GPRIN2: variants seen among roughly 807,000 people sequenced by gnomAD.
The protein encoded by GPRIN2 is G protein-regulated inducer of neurite outgrowth 2.
Under a neutral mutation model 0.3 loss-of-function variants are expected in GPRIN2, and 1 was observed. The ratio of observed to expected loss-of-function variants is 3.90; its 90% confidence interval spans 1.39 to 18.51. The LOEUF (loss-of-function observed/expected upper bound fraction) is 18.51. Ranked by LOEUF, GPRIN2 falls within the 30% of genes most tolerant of loss-of-function variation. The probability of loss-of-function intolerance (pLI) is 0.11; values close to 1 mark genes in which losing one functional copy is unlikely to be tolerated. For synonymous variants in GPRIN2, 361 were observed against 258.6 expected, an observed-to-expected ratio of 1.40 and a Z score of -3.80; for missense variants, 880 against 604.2, an observed-to-expected ratio of 1.46 and a Z score of -4.79.
chr10:46,549,726 C>G lies in GPRIN2; in HGVS notation c.1011G>C (p.Val337=). ...TGCAGGCCGCCACTGGGGCCGCCTG[C>G]ACACCAGCATCCTGGGCTGACAGCG... ...ASPLSAQDAG[V]QAAPVAACKA... is the part of the protein sequence containing the mutation. Residue 337 remains valine, a synonymous_variant, in exon 3 of 3, where the codon GTG becomes GTC. Coordinates refer to ENST00000374314, the MANE Select transcript of GPRIN2 (RefSeq NM_001385282.1). 1 of 1,614,124 alleles carries G rather than the reference C, an allele frequency of 6.2e-7. No homozygotes were observed. Among genetic ancestry groups the G allele is most frequent in the Non-Finnish European group, 8.5e-7 (1 of 1,179,962 alleles).
chr10:46,550,127 T>A lies in GPRIN2; in HGVS notation c.610A>T (p.Thr204Ser). The A allele has an allele frequency of 6.2e-7, 1 of 1,608,314 alleles. No homozygotes were observed. The highest frequency in any genetic ancestry group is 8.5e-7 in the Non-Finnish European group (1 of 1,176,750). The change falls in exon 3 of 3, where the codon ACA (threonine) becomes TCA (serine). Residue 204 changes from threonine (T) to serine (S), a missense_variant. Coordinates refer to ENST00000374314, the MANE Select transcript of GPRIN2 (RefSeq NM_001385282.1). ...LSVPPLDLGD[T>S]TAHSSSAQAE... ...TGGGCACTGCTGCTGTGGGCAGTTGTGTCCCCCAGGTCTAGTGGTGGCACT... is the reference window on the plus strand; with the variant it reads ...TGGGCACTGCTGCTGTGGGCAGTTGAGTCCCCCAGGTCTAGTGGTGGCACT...
intron 2 of GPRIN2, among the ~76,000 whole-genome samples, chr10:46,554,335 G>A (rs1842938697): frequency 6.6e-6 from 1 of 152,312 alleles, no homozygotes. Context: ...CACCATCAGT[G>A]TCCCCAGTCT....
At chr10:46,557,186 T>C (rs1161917568), upstream of GPRIN2, among the ~76,000 whole-genome samples, 1 of 152,302 alleles carries the variant, frequency 6.6e-6, no homozygotes, top group Non-Finnish European at 1.5e-5. Context: ...ATAGGGCCCT[T>C]TCGTCTGGGA....
Position 46,549,280 on chromosome 10 carries a change from G to C in GPRIN2, c.*80C>G. 1 of 1,432,108 alleles carries C rather than the reference G, an allele frequency of 7.0e-7. No individual in the cohort carries two copies. The highest frequency in any genetic ancestry group is 1.5e-5 in the South Asian group (1 of 65,586). The allele number at this position is 1,432,108 out of a possible 1,614,324, so 88.7% of individuals were successfully genotyped here. On this transcript the variant is annotated 3_prime_UTR_variant, in exon 3 of 3. Transcript: ENST00000374314. ...TGCCCAGCTGCCGGTGGGTCCAGGG[G>C]GCACGGAGCCCCCACCGTCCCTGGC... is the stretch of plus-strand genomic sequence containing the variant.
rs1842023001 is a variant in GPRIN2, at chr10:46,544,921, G to A, written c.*4439C>T. ...GACCTATGGGATGTCCCAGTGATAT[G>A]TCCTGGGCTTCATACCAGCCCTGCC... On this transcript the variant is annotated 3_prime_UTR_variant, in exon 3 of 3. Transcript: ENST00000374314. Among the ~76,000 whole-genome samples the A allele has an allele frequency of 6.6e-6, 1 of 152,304 alleles. No individual in the cohort carries two copies. Among genetic ancestry groups the A allele is most frequent in the Non-Finnish European group, 1.5e-5 (1 of 68,056 alleles).
chr10:46,552,026 C>T (rs1842671289), intron 2 of GPRIN2, among the ~76,000 whole-genome samples: 2 of 152,312 alleles, frequency 1.3e-5, no homozygotes, highest in African/African-American at 4.8e-5. Flanking sequence ...CAAGCAAATA[C>T]AAGAACACAC....
At chr10:46,552,011 G>T (rs2133291186) in intron 2 of GPRIN2, among the ~76,000 whole-genome samples, 1 of 152,430 alleles carries the variant, frequency 6.6e-6, no homozygotes, top group Admixed American at 6.5e-5. Context: ...GCCTGACCAA[G>T]AGAACAAGCA....
At chr10:46,556,041 C>G (rs1192285951) in intron 1 of GPRIN2, among the ~76,000 whole-genome samples, 13 of 152,426 alleles carry the variant, frequency 8.5e-5, no homozygotes, top group Admixed American at 7.2e-4. Flanking sequence ...GGGCCCGAAA[C>G]GAGGCTACAG....
Position 46,550,733 on chromosome 10 carries a change from T to A in GPRIN2, c.4A>T (p.Ser2Cys). The change falls in exon 3 of 3, where the codon AGC (serine) becomes TGC (cysteine). Residue 2 changes from serine to cysteine, a missense_variant. Physicochemically the swap from Ser to Cys is moderately radical, Grantham distance 112. Transcript: ENST00000374314. ...GGACCCGGCTCGGGGCGGCTGGAGC[T>A]CATGGCTGCCTGCAGAAGAGAGAAA... M[S>C]SSRPEPGPWA... The A allele has an allele frequency of 1.3e-6, 2 of 1,506,212 alleles. No individual in the cohort carries two copies. Among genetic ancestry groups the A allele is most frequent in the Non-Finnish European group, 1.8e-6 (2 of 1,129,724 alleles). 93.3% of individuals were successfully genotyped at this position (1,506,212 alleles called of 1,614,324 possible). A position where few individuals can be genotyped will look rare whatever the true frequency, so the allele number is the denominator to read the frequency against.
In GPRIN2 at chr10:46,547,112, C is replaced by T. The variant is rs1842228431; in HGVS notation, c.*2248G>A. 6.6e-6 allele frequency among the ~76,000 whole-genome samples: 1 copy of T among 152,306 alleles called. No individual in the cohort carries two copies. Among genetic ancestry groups the T allele is most frequent in the Admixed American group, 6.5e-5 (1 of 15,290 alleles). ...TGCACCTGCTGAACATGCCATTCAC[C>T]TTGACCCAGGTAGTGGCCTCACCCT... On this transcript the variant is annotated 3_prime_UTR_variant, in exon 3 of 3. Coordinates refer to ENST00000374314, the MANE Select transcript of GPRIN2 (RefSeq NM_001385282.1).
intron 2 of GPRIN2, among the ~76,000 whole-genome samples, chr10:46,552,604 A>G (rs1842739306): frequency 6.6e-6 from 1 of 152,312 alleles, no homozygotes; most frequent in Admixed American, 6.5e-5. Flanking sequence ...CTGAGACTCC[A>G]GCTCTGCACA....
At position 46,556,653 on chromosome 10, in the gene GPRIN2, G is replaced by A. The variant is rs1211376094; in HGVS notation, c.-273C>T. Among the ~76,000 whole-genome samples the A allele has an allele frequency of 6.6e-6, 1 of 152,144 alleles. No homozygotes were observed. The highest frequency in any genetic ancestry group is 1.9e-4 in the East Asian group (1 of 5,186). ...CGGCCCGGCCCGCGGAGCAAGCGCCGGGTACAGGGAGGGGCCAGCGGGGCA... is the reference window on the plus strand; with the variant it reads ...CGGCCCGGCCCGCGGAGCAAGCGCCAGGTACAGGGAGGGGCCAGCGGGGCA... On this transcript the variant is annotated 5_prime_UTR_variant, in exon 1 of 3. Transcript: ENST00000374314.
In GPRIN2 at chr10:46,546,321, G is replaced by A. The variant is rs1832908869; in HGVS notation, c.*3039C>T. Among the ~76,000 whole-genome samples, 13 of 152,416 alleles carry A rather than the reference G, an allele frequency of 8.5e-5. No individual in the cohort carries two copies. The South Asian group carries it at 2.5e-3, about 29-fold the overall frequency. Reference sequence around the variant, plus strand: ...GCCATGGAAGGAGAGCAGGTGGGCAGAAGCAGGGAGCCCCTGGAGCAGACA... The same window carrying A: ...GCCATGGAAGGAGAGCAGGTGGGCAAAAGCAGGGAGCCCCTGGAGCAGACA... On this transcript the variant is annotated 3_prime_UTR_variant, in exon 3 of 3. Transcript: ENST00000374314.
Position 46,547,201 on chromosome 10 carries a change from A to G in GPRIN2, c.*2159T>C, listed in dbSNP as rs1832861552. Among the ~76,000 whole-genome samples, 2 of 145,736 alleles carry G rather than the reference A, an allele frequency of 1.4e-5. No homozygotes were observed. The highest frequency in any genetic ancestry group is 2.9e-4 in the East Asian group (1 of 3,458). On this transcript the variant is annotated 3_prime_UTR_variant, in exon 3 of 3. Coordinates refer to ENST00000374314, the MANE Select transcript of GPRIN2 (RefSeq NM_001385282.1). ...CCTCCTCCCCAAATCCATTGCACAC[A>G]TGTGTGCCTGTGTATGCGTGTGTGT...
At chr10:46,556,232 CGAA>C (rs1488527803) in intron 1 of GPRIN2, among the ~76,000 whole-genome samples, 8 of 152,298 alleles carry the variant, frequency 5.3e-5, no homozygotes, top group African/African-American at 1.9e-4. Flanking sequence ...GGGTGGAGGC[CGAA>C]GGAGACAGGG....
Position 46,542,630 on chromosome 10 carries a change from T to C in GPRIN2, c.*6730A>G, listed in dbSNP as rs1295190792. The stretch of plus-strand genomic sequence containing the variant: ...GGAACTGTGAGTCAATTAAACCTCT[T>C]TCCTTTATAAATTACCCAGTCTCAG... On this transcript the variant is annotated 3_prime_UTR_variant, in exon 3 of 3. Coordinates refer to ENST00000374314, the MANE Select transcript of GPRIN2 (RefSeq NM_001385282.1). Among the ~76,000 whole-genome samples, 2 of 152,312 alleles carry C rather than the reference T, an allele frequency of 1.3e-5. No individual in the cohort carries two copies. Among genetic ancestry groups the C allele is most frequent in the African/African-American group, 4.8e-5 (2 of 41,488 alleles).
intron 1 of GPRIN2, among the ~76,000 whole-genome samples, 27 bp downstream of exon 1, chr10:46,556,471 C>G (rs1177141415): frequency 2.0e-5 from 3 of 152,272 alleles, no homozygotes; most frequent in South Asian, 4.1e-4. Context: ...CCCGCCCCAA[C>G]GGGAGCGCGC....
upstream of GPRIN2, among the ~76,000 whole-genome samples, chr10:46,557,177 T>C (rs1831748621): frequency 1.2e-4 from 19 of 152,356 alleles, no homozygotes; most frequent in East Asian, 3.7e-3. Flanking sequence ...CCGTTTCCTA[T>C]AGGGCCCTTT....
chr10:46,550,165 G>C lies in GPRIN2; in HGVS notation c.572C>G (p.Ala191Gly). ...ETSNSAWMLG[A>G]SQLSVPPLDL... ...TAGTGGTGGCACTGACAACTGACTC[G>C]CCCCCAGCATCCAGGCTGAGTTAGA... The change falls in exon 3 of 3, where the codon GCG (alanine) becomes GGG (glycine). Residue 191 changes from alanine (A) to glycine (G), a missense_variant. Ala to Gly is a moderately conservative substitution (Grantham distance 60, BLOSUM62 0). Transcript: ENST00000374314. 6.3e-7 allele frequency: 1 copy of C among 1,598,424 alleles called. No homozygotes were observed. The highest frequency in any genetic ancestry group is 1.1e-5 in the South Asian group (1 of 89,226).
Sources: gnomAD v4.1 joint callset for allele counts (sites outside exome capture counted in the v4.1 genomes callset) on GRCh38, gnomAD v4.1.1 for gene constraint, MANE v1.5 for transcripts, NCBI Gene and HGNC (gene_info 2026-07-23, HGNC 2026-07-21) for gene names.